RS1: variants seen among roughly 807,000 people sequenced by gnomAD.
RS1 encodes the protein retinoschisin 1, also known as retinoschisin.
A neutral mutation model predicts 20.8 loss-of-function variants in RS1; 2 were observed. That is an observed-to-expected ratio of 0.10 (90% CI 0.04 to 0.30). RS1 has a LOEUF of 0.30. RS1 is among the 10% of genes least tolerant of loss of function. The probability of loss-of-function intolerance (pLI) is 1.00; values close to 1 mark genes in which losing one functional copy is unlikely to be tolerated. For missense variants in RS1, 151 were observed against 189.8 expected (o/e 0.80, Z 1.20); for synonymous variants, 70 against 75.8 (o/e 0.92, Z 0.40).
intron 1 of RS1, among the ~76,000 whole-genome samples, chrX:18,668,778 G>A (rs1049489986): frequency 8.0e-5 from 9 of 112,019 alleles, no homozygotes; most frequent in African/African-American, 2.6e-4. Flanking sequence ...TCCAGAACTG[G>A]CAAATCTTTA....
intron 1 of RS1, among the ~76,000 whole-genome samples, chrX:18,670,634 T>G (rs1928478294): frequency 9.0e-6 from 1 of 111,201 alleles, no homozygotes; most frequent in South Asian, 3.8e-4. Context: ...AGAAGAGAAA[T>G]CCGAGAGTGA....
chrX:18,646,860 A>T (rs1171779569), intron 4 of RS1, among the ~76,000 whole-genome samples: 1 of 110,913 alleles, frequency 9.0e-6, no homozygotes, highest in Non-Finnish European at 1.9e-5. Flanking sequence ...TTCTTCCTTC[A>T]TCTCTCCCCC....
intron 1 of RS1, among the ~76,000 whole-genome samples, chrX:18,666,567 C>T (rs1569234802): frequency 9.0e-6 from 1 of 111,417 alleles, no homozygotes; most frequent in Non-Finnish European, 1.9e-5. Context: ...TAGACGAGGA[C>T]ATTACTGACC....
intron 1 of RS1, among the ~76,000 whole-genome samples, chrX:18,669,487 C>A (rs868538826): frequency 5.4e-3 from 314 of 58,455 alleles, no homozygotes; most frequent in South Asian, 0.013. Flanking sequence ...GTGAAATTCT[C>A]AAAAAAAAAA....
rs1433077097 is a variant in RS1, at chrX:18,664,193, G to A, written c.53-6528C>T. Among the ~76,000 whole-genome samples, 7 of 111,984 alleles carry A rather than the reference G, an allele frequency of 6.3e-5. No homozygotes were observed. In the East Asian group the frequency reaches 2.0e-3, roughly 31 times the overall value. On this transcript the variant is annotated intron_variant, in intron 1 of 5. Transcript: ENST00000379984. ...CCATCAAAAGCAGAGCATCTACATC[G>A]GGGTATGTTTACACAATGGAACACT...
At chrX:18,657,602 C>T in intron 2 of RS1, 38 bp downstream of exon 2, 1 of 1,105,039 alleles carries the variant, frequency 9.0e-7, no homozygotes, top group Non-Finnish European at 1.3e-6. Context: ...TTCAAAAGTA[C>T]TATGCATGTA....
At chrX:18,657,810 T>C (rs956085223) in intron 1 of RS1, 145 bp from the exon 2 acceptor site, 1 of 511,242 alleles carries the variant, frequency 2.0e-6, no homozygotes, top group Non-Finnish European at 3.5e-6. Context: ...TGAGTAAATA[T>C]CTGCCAGGAA....
intron 1 of RS1, among the ~76,000 whole-genome samples, chrX:18,664,872 G>A (rs1172863931): frequency 1.8e-5 from 2 of 110,551 alleles, no homozygotes; most frequent in Non-Finnish European, 3.8e-5. Flanking sequence ...GCGCTGCCAC[G>A]CTCAGCTAAT....
At position 18,644,480 on chromosome X, in the gene RS1, C is replaced by T. The variant is rs1800002; in HGVS notation, c.472G>A (p.Asp158Asn). Residue 158 changes from aspartate (D) to asparagine (N), a missense_variant, in exon 5 of 6, where the codon GAT (aspartate) becomes AAT (asparagine). Coordinates refer to ENST00000379984, the MANE Select transcript of RS1 (RefSeq NM_000330.4). ...TAGTAAATCCAGTTCAGGCGCTCATCGGTCCTGTACTGCACGCTGTACTTG... is the reference window on the plus strand; with the variant it reads ...TAGTAAATCCAGTTCAGGCGCTCATTGGTCCTGTACTGCACGCTGTACTTG... ...MTKYSVQYRT[D>N]ERLNWIYYKD... The T allele has an allele frequency of 6.6e-6, 8 of 1,211,518 alleles. No homozygotes were observed. The East Asian group carries it at 8.9e-5, about 13-fold the overall frequency.
chrX:18,653,674 G>C, intron 3 of RS1: 7 of 964,687 alleles, frequency 7.3e-6, no homozygotes, highest in Non-Finnish European at 8.5e-6. Context: ...GTGTTGTTAA[G>C]ATCAAAAACC....
At chrX:18,657,217 C>CTGTTTTTTT (rs1928231726) in intron 2 of RS1, among the ~76,000 whole-genome samples, 1 of 65,138 alleles carries the variant, frequency 1.5e-5, no homozygotes, top group Non-Finnish European at 2.7e-5. Context: ...AAAAAAAATA[C>CTGTTTTTTT]TTTTTTTTTT....
chrX:18,658,125 G>A (rs1928252085), intron 1 of RS1, among the ~76,000 whole-genome samples: 2 of 111,229 alleles, frequency 1.8e-5, no homozygotes, highest in Admixed American at 1.9e-4. Context: ...AGCCAAGATC[G>A]CTCCACTGCA....
rs1927837042 is a variant in RS1 at position 18,647,541 on chromosome X, C to A, written c.185-209G>T. 16 of 435,670 alleles carry A rather than the reference C, an allele frequency of 3.7e-5. No individual in the cohort carries two copies. The South Asian group carries it at 5.5e-4, about 15-fold the overall frequency. 35.9% of individuals were successfully genotyped at this position (435,670 alleles called of 1,213,427 possible). ...AATGAAGGATGAAGTAAAGGAATTGCCATAGAGACTCAACAGCCTTTGTAA... is the reference window on the plus strand; with the variant it reads ...AATGAAGGATGAAGTAAAGGAATTGACATAGAGACTCAACAGCCTTTGTAA... On this transcript the variant is annotated intron_variant, in intron 3 of 5. Coordinates refer to ENST00000379984, the MANE Select transcript of RS1 (RefSeq NM_000330.4).
intron 3 of RS1, among the ~76,000 whole-genome samples, 164 bp downstream of exon 3, chrX:18,656,489 C>T (rs1269018507): frequency 2.7e-5 from 3 of 111,845 alleles, no homozygotes; most frequent in African/African-American, 6.5e-5. Flanking sequence ...TTAACATAGG[C>T]TTACTAATAG....
chrX:18,657,879 C>A (rs778792930), intron 1 of RS1, among the ~76,000 whole-genome samples: 1 of 111,764 alleles, frequency 8.9e-6, no homozygotes. Flanking sequence ...AGAACAAGAT[C>A]ATCATTATAG....
chrX:18,667,150 G>T (rs1168609100), intron 1 of RS1, among the ~76,000 whole-genome samples: 1 of 111,386 alleles, frequency 9.0e-6, no homozygotes, highest in Non-Finnish European at 1.9e-5. Context: ...GGTCTAGTTG[G>T]CTGGGGGCTG....
chrX:18,646,180 C>G, intron 4 of RS1: 1 of 1,163,846 alleles, frequency 8.6e-7, no homozygotes, highest in Non-Finnish European at 1.2e-6. Flanking sequence ...GAGACAGAGT[C>G]TTGCTCTGTC....
intron 3 of RS1, among the ~76,000 whole-genome samples, chrX:18,648,848 G>C (rs369710445): frequency 9.1e-4 from 100 of 110,331 alleles, no homozygotes; most frequent in African/African-American, 3.1e-3. Flanking sequence ...CCAGTGCTTT[G>C]GGAGGATCAC....
chrX:18,643,004 C>T (rs932541289), intron 5 of RS1, among the ~76,000 whole-genome samples: 2 of 111,613 alleles, frequency 1.8e-5, no homozygotes, highest in East Asian at 2.8e-4. Context: ...GAGATCACAC[C>T]GTTGCACTCC....
Sources: gnomAD v4.1 joint callset for allele counts (sites outside exome capture counted in the v4.1 genomes callset) on GRCh38, gnomAD v4.1.1 for gene constraint, MANE v1.5 for transcripts, NCBI Gene and HGNC (gene_info 2026-07-23, HGNC 2026-07-21) for gene names.